The following SLC6A6 variants were observed in gnomAD, a reference collection of about 807,000 sequenced individuals.
SLC6A6 encodes sodium- and chloride-dependent taurine transporter.
In SLC6A6, 16 loss-of-function variants were observed where a neutral mutation model predicts 68.8. That is an observed-to-expected ratio of 0.23 (90% CI 0.16 to 0.35). SLC6A6 has a LOEUF of 0.35. Among genes scored for constraint, SLC6A6 ranks in the 10% least tolerant of loss-of-function variants. SLC6A6 has a pLI of 1.00. For synonymous variants in SLC6A6, 312 were observed against 315.4 expected (o/e 0.99, Z 0.12); for missense variants, 474 against 802.8 (o/e 0.59, Z 4.95).
chr3:14,478,497 A>G lies in SLC6A6; in HGVS notation c.1379A>G (p.Tyr460Cys). ...ATGTATGTGTTTCAGCTCTTTGACT[A>G]CTATGCAGCTAGCGGTGTATGCCTT... Reference protein sequence around the residue: ...GGMYVFQLFDYYAASGVCLLW... With the variant: ...GGMYVFQLFDCYAASGVCLLW... The change falls in exon 12 of 15, where the codon TAC (tyrosine) becomes TGC (cysteine). Residue 460 changes from tyrosine (Y) to cysteine (C), a missense_variant. Tyr to Cys is a radical substitution (Grantham distance 194). Coordinates refer to ENST00000622186, the MANE Select transcript of SLC6A6 (RefSeq NM_003043.6). 1 of 1,613,636 alleles carries G rather than the reference A, an allele frequency of 6.2e-7. No individual in the cohort carries two copies. Among genetic ancestry groups the G allele is most frequent in the East Asian group, 2.2e-5 (1 of 44,878 alleles).
At chr3:14,445,282 G>A (rs1294095040) in intron 3 of SLC6A6, among the ~76,000 whole-genome samples, 8 of 152,176 alleles carry the variant, frequency 5.3e-5, no homozygotes, top group South Asian at 2.1e-4. Flanking sequence ...TTAGCCGGGC[G>A]TGGTGGCGGG....
intron 2 of SLC6A6, among the ~76,000 whole-genome samples, chr3:14,430,724 A>G (rs1012058294): frequency 6.6e-6 from 1 of 152,250 alleles, no homozygotes; most frequent in Non-Finnish European, 1.5e-5. Flanking sequence ...GCTTATGTTC[A>G]GCCTCTGGCG....
chr3:14,409,443 A>G (rs535096061), intron 1 of SLC6A6, among the ~76,000 whole-genome samples: 1 of 152,366 alleles, frequency 6.6e-6, no homozygotes, highest in Non-Finnish European at 1.5e-5. Flanking sequence ...CTCAGAGATG[A>G]GTTCATCAGA....
At chr3:14,446,141 AG>A (rs1700116199) in intron 4 of SLC6A6, among the ~76,000 whole-genome samples, 1 of 152,242 alleles carries the variant, frequency 6.6e-6, no homozygotes, top group Non-Finnish European at 1.5e-5. Flanking sequence ...CACTGTTCAC[AG>A]TAGCAAAGAC....
chr3:14,469,703 C>G (rs1283182535), intron 9 of SLC6A6, among the ~76,000 whole-genome samples: 1 of 152,214 alleles, frequency 6.6e-6, no homozygotes, highest in Non-Finnish European at 1.5e-5. Context: ...TCTGGCCCTT[C>G]CAGTGTGAGA....
rs867666582 is a variant in SLC6A6 at position 14,479,245 on chromosome 3, C to G, written c.1551+60C>G. 3 of 1,025,808 alleles carry G rather than the reference C, an allele frequency of 2.9e-6. No homozygotes were observed. In the African/African-American group the frequency reaches 4.7e-5, roughly 16 times the overall value. 63.5% of individuals were successfully genotyped at this position (1,025,808 alleles called of 1,614,324 possible). ...TCTTCTCCCTGGGGCTTGACATTTT[C>G]ACCCGCTAAACCATCTTTCATGCAG... is the stretch of plus-strand genomic sequence containing the variant. On this transcript the variant is annotated intron_variant, in intron 13 of 14. Transcript: ENST00000622186.
intron 9 of SLC6A6, among the ~76,000 whole-genome samples, chr3:14,471,952 C>T (rs1700762077): frequency 6.6e-6 from 1 of 152,118 alleles, no homozygotes; most frequent in African/African-American, 2.4e-5. Context: ...TAACCACGCC[C>T]CGATGGATGC....
intron 1 of SLC6A6, among the ~76,000 whole-genome samples, chr3:14,415,585 C>T (rs1387373267): frequency 6.6e-6 from 1 of 152,064 alleles, no homozygotes; most frequent in African/African-American, 2.4e-5. Context: ...TGACTTTGTA[C>T]ACTTAGATTC....
intron 11 of SLC6A6, 52 bp from the exon 12 acceptor site, chr3:14,478,414 G>C: frequency 9.0e-7 from 1 of 1,117,180 alleles, no homozygotes; most frequent in South Asian, 1.3e-5. Flanking sequence ...GTATATGAAA[G>C]AAATTGGAGA....
At position 14,481,668 on chromosome 3, in the gene SLC6A6, C is replaced by G. The variant is rs766708356; in HGVS notation, c.1552-3C>G. The G allele has an allele frequency of 6.2e-7, 1 of 1,608,650 alleles. No homozygotes were observed. The highest frequency in any genetic ancestry group is 1.1e-5 in the South Asian group (1 of 90,342). ...TCTCCTGACTGCCCCCATCTCTCCG[C>G]AGGGATGTTTCATCTTCTCGCTCGT... On this transcript the variant is annotated splice_polypyrimidine_tract_variant and splice_region_variant and intron_variant, in intron 13 of 14. Coordinates refer to ENST00000622186, the MANE Select transcript of SLC6A6 (RefSeq NM_003043.6). This position sits in a 1 kb window ranked among gnomAD's most constrained non-coding sequence, Gnocchi z 4.7.
chr3:14,417,719 G>A (rs897949520), intron 2 of SLC6A6, among the ~76,000 whole-genome samples: 7 of 143,554 alleles, frequency 4.9e-5, no homozygotes, highest in African/African-American at 1.1e-4. Flanking sequence ...GCGACGCAGC[G>A]AGACTCCGTC....
rs140925115 is a variant in SLC6A6, at chr3:14,445,832, G to A, written c.345G>A (p.Lys115=). The change falls in exon 4 of 15, where the codon AAG becomes AAA. Residue 115 remains lysine, a synonymous_variant. Coordinates refer to ENST00000622186, the MANE Select transcript of SLC6A6 (RefSeq NM_003043.6). ...AAGGGGGCATCACCTGCTGGGAAAA[G>A]ATCTGCCCCTTGTTCTCTGGTGAGT... is the stretch of plus-strand genomic sequence containing the variant. ...TSEGGITCWE[K]ICPLFSGIGY... 2 of 1,614,258 alleles carry A rather than the reference G, an allele frequency of 1.2e-6. No individual in the cohort carries two copies. Among genetic ancestry groups the A allele is most frequent in the South Asian group, 2.2e-5 (2 of 91,090 alleles).
intron 14 of SLC6A6, among the ~76,000 whole-genome samples, chr3:14,482,151 G>T (rs1701023970): frequency 6.6e-6 from 1 of 152,232 alleles, no homozygotes; most frequent in Non-Finnish European, 1.5e-5. Context: ...GGGCAGTGAG[G>T]CTGGAGAGGT....
chr3:14,484,927 GCCACACCTTACAA>G lies in SLC6A6; in HGVS notation c.1785_1797del (p.Thr596LeufsTer5), dbSNP rs1701107441. On this transcript the variant is annotated frameshift_variant, in exon 15 of 15. Coordinates refer to ENST00000622186, the MANE Select transcript of SLC6A6 (RefSeq NM_003043.6). LOFTEE classifies it high-confidence loss of function. The stretch of plus-strand genomic sequence containing the variant: ...CCGCTGGGCTGTGGAGCGCGAGGGA[GCCACACCTTACAA>G]CTCTCGCACCGTCATGAACGGCGCT... 6.2e-7 allele frequency: 1 copy of G among 1,612,450 alleles called. No homozygotes were observed. The highest frequency in any genetic ancestry group is 1.3e-5 in the African/African-American group (1 of 74,836).
In SLC6A6 at chr3:14,472,861, G is replaced by A. The variant is rs868802735; in HGVS notation, c.1209+544G>A. Among the ~76,000 whole-genome samples, 46 of 152,218 alleles carry A rather than the reference G, an allele frequency of 3.0e-4. No homozygotes were observed. The highest frequency in any genetic ancestry group is 6.2e-4 in the South Asian group (3 of 4,834). On this transcript the variant is annotated intron_variant, in intron 10 of 14. Coordinates refer to ENST00000622186, the MANE Select transcript of SLC6A6 (RefSeq NM_003043.6). This position sits in a 1 kb window ranked among gnomAD's most constrained non-coding sequence, Gnocchi z 4.5. ...GGATTCTGTGCTCCCTGGAGCGTGC[G>A]AGGGGCTGGGCATTGGCTCCCTCCC...
chr3:14,478,043 A>G (rs1454908675), intron 11 of SLC6A6, among the ~76,000 whole-genome samples: 1 of 151,264 alleles, frequency 6.6e-6, no homozygotes, highest in Non-Finnish European at 1.5e-5. Flanking sequence ...CCCATTTAAC[A>G]GTTCTCCGAA....
chr3:14,405,979 G>A (rs964089293), intron 1 of SLC6A6, among the ~76,000 whole-genome samples: 2 of 152,140 alleles, frequency 1.3e-5, no homozygotes, highest in Admixed American at 1.3e-4. Flanking sequence ...AGGCACTTTC[G>A]CTTCCTAGAG....
intron 1 of SLC6A6, among the ~76,000 whole-genome samples, chr3:14,405,978 C>T (rs760339093): frequency 3.3e-5 from 5 of 152,088 alleles, no homozygotes; most frequent in Non-Finnish European, 7.4e-5. Flanking sequence ...GAGGCACTTT[C>T]GCTTCCTAGA....
At chr3:14,417,598 G>A (rs150788388) in intron 2 of SLC6A6, among the ~76,000 whole-genome samples, 1,869 of 152,284 alleles carry the variant, frequency 0.012, 37 homozygotes, top group African/African-American at 0.043. Flanking sequence ...CAGACGTGGT[G>A]GCGGGCGCCT....
Sources: gnomAD v4.1 joint callset for allele counts (sites outside exome capture counted in the v4.1 genomes callset) on GRCh38, gnomAD v4.1.1 for gene constraint, Gnocchi (gnomAD v3.1) non-coding constraint, MANE v1.5 for transcripts, NCBI Gene and HGNC (gene_info 2026-07-23, HGNC 2026-07-21) for gene names.